KALRN: variants seen among roughly 807,000 people sequenced by gnomAD.
The protein encoded by KALRN is kalirin.
Under a neutral mutation model 353.7 loss-of-function variants are expected in KALRN, and 70 were observed. The ratio of observed to expected loss-of-function variants is 0.20; its 90% CI spans 0.16 to 0.24. The LOEUF is 0.24. Ranked by LOEUF, KALRN falls within the 10% of genes least tolerant of loss-of-function variation. KALRN has a pLI of 1.00. For missense variants in KALRN, 2,791 were observed against 3,756.7 expected (o/e 0.74, Z 6.72); for synonymous variants, 1,391 against 1,434.8 (o/e 0.97, Z 0.69).
intron 1 of KALRN, among the ~76,000 whole-genome samples, chr3:124,073,937 G>T (rs1378613738): frequency 6.6e-6 from 1 of 152,114 alleles, no homozygotes; most frequent in Non-Finnish European, 1.5e-5. Flanking sequence ...AAGTTTCAAG[G>T]TCTCATCATG....
At chr3:124,233,780 A>G (rs907989936) in intron 2 of KALRN, among the ~76,000 whole-genome samples, 2 of 152,150 alleles carry the variant, frequency 1.3e-5, no homozygotes, top group Admixed American at 6.5e-5. Flanking sequence ...CTCTTTCATT[A>G]GATCCCTTTG....
At chr3:124,679,329 A>G in intron 50 of KALRN, 129 bp from the exon 51 acceptor site, 1 of 748,920 alleles carries the variant, frequency 1.3e-6, no homozygotes, top group East Asian at 2.5e-5. Context: ...CTTTAAAAAC[A>G]CCTGGTTTTT....
chr3:124,564,422 C>T (rs1017712422), intron 34 of KALRN, among the ~76,000 whole-genome samples: 1 of 152,096 alleles, frequency 6.6e-6, no homozygotes, highest in Non-Finnish European at 1.5e-5. Context: ...GGTACAGTGG[C>T]TCACACCTGT....
At chr3:124,653,655 A>G (rs1184763431) in intron 38 of KALRN, among the ~76,000 whole-genome samples, 2 of 152,244 alleles carry the variant, frequency 1.3e-5, no homozygotes, top group African/African-American at 4.8e-5. Flanking sequence ...GAGAACAGCC[A>G]GTGCAATGAA....
chr3:124,181,593 A>G (rs551378305), intron 1 of KALRN, among the ~76,000 whole-genome samples: 2 of 152,286 alleles, frequency 1.3e-5, no homozygotes, highest in East Asian at 1.9e-4. Flanking sequence ...CCTGGCACCA[A>G]TCTTGCACTT....
At position 124,700,049 on chromosome 3, in the gene KALRN, G is replaced by T; in HGVS notation, c.7996+16G>T. The stretch of plus-strand genomic sequence containing the variant: ...CCAGAATATGGTGAGTCCCAGCCCA[G>T]CCCTGGCCCCCCAGGCAGTGGGATT... On this transcript the variant is annotated intron_variant, in intron 56 of 59. Transcript: ENST00000682506. The T allele has an allele frequency of 6.2e-7, 1 of 1,612,836 alleles. No individual in the cohort carries two copies. The highest frequency in any genetic ancestry group is 8.5e-7 in the Non-Finnish European group (1 of 1,179,492).
chr3:124,674,073 G>A (rs150695461), intron 48 of KALRN, among the ~76,000 whole-genome samples: 1 of 152,256 alleles, frequency 6.6e-6, no homozygotes, highest in Non-Finnish European at 1.5e-5. Context: ...GAGAACGCTG[G>A]CAGGAAGGTT....
chr3:124,296,624 C>T (rs2076869433), intron 5 of KALRN, among the ~76,000 whole-genome samples: 1 of 152,228 alleles, frequency 6.6e-6, no homozygotes, highest in Non-Finnish European at 1.5e-5. Context: ...CAGCACCTGG[C>T]AGCCGACAAT....
chr3:124,412,753 C>A (rs931264262), intron 13 of KALRN, among the ~76,000 whole-genome samples: 3 of 152,202 alleles, frequency 2.0e-5, no homozygotes, highest in Admixed American at 2.0e-4. Context: ...ATTAAATCTG[C>A]TTGAATTCCT....
At chr3:124,082,443 A>G in intron 1 of KALRN, 3 of 372,268 alleles carry the variant, frequency 8.1e-6, no homozygotes, top group Admixed American at 6.8e-5. Flanking sequence ...AGCTGGCTTT[A>G]TTTGGGGGGT....
intron 14 of KALRN, 70 bp from the exon 15 acceptor site, chr3:124,422,742 G>C: frequency 8.0e-7 from 1 of 1,256,512 alleles, no homozygotes; most frequent in Non-Finnish European, 1.1e-6. Context: ...GTTTTCTTAT[G>C]CATATTGAAG....
At chr3:124,432,418 A>G (rs1208778624) in intron 16 of KALRN, among the ~76,000 whole-genome samples, 1 of 152,220 alleles carries the variant, frequency 6.6e-6, no homozygotes, top group Non-Finnish European at 1.5e-5. Context: ...TGTCTCAAAA[A>G]CAAAAAAAGA....
rs1328834626 is a variant in KALRN, at chr3:124,671,809, C to T, written c.6853C>T (p.Pro2285Ser). The T allele has an allele frequency of 6.2e-7, 1 of 1,614,236 alleles. No individual in the cohort carries two copies. The highest frequency in any genetic ancestry group is 8.5e-7 in the Non-Finnish European group (1 of 1,180,024). ...EKPPKGSSYNPPLPPLKISTS... is the reference protein window; with the variant it reads ...EKPPKGSSYNSPLPPLKISTS... ...GCCCCCAAAGGGCTCCAGCTATAAC[C>T]CACCTCTGCCTCCCCTGAAGATATC... is the stretch of plus-strand genomic sequence containing the variant. Residue 2285 changes from proline to serine, a missense_variant, in exon 48 of 60, where the codon CCA (proline) becomes TCA (serine). By Grantham distance (74) the Pro-to-Ser change is moderately conservative. Coordinates refer to ENST00000682506, the MANE Select transcript of KALRN (RefSeq NM_001388419.1).
intron 1 of KALRN, among the ~76,000 whole-genome samples, chr3:124,072,402 C>G (rs142820225): frequency 1.0e-3 from 159 of 152,250 alleles, no homozygotes; most frequent in African/African-American, 3.7e-3. Flanking sequence ...GCAGTTTTAC[C>G]TGATAAGTCA....
intron 34 of KALRN, among the ~76,000 whole-genome samples, chr3:124,577,682 T>C (rs2074249145): frequency 6.6e-6 from 1 of 151,290 alleles, no homozygotes; most frequent in African/African-American, 2.4e-5. Context: ...AGGCCAAGAG[T>C]TCAAGACCAG....
At chr3:124,564,491 C>T (rs925413124) in intron 34 of KALRN, among the ~76,000 whole-genome samples, 8 of 151,726 alleles carry the variant, frequency 5.3e-5, no homozygotes, top group African/African-American at 1.9e-4. Context: ...GACTGGGCAA[C>T]ATAGTGAGAC....
intron 33 of KALRN, among the ~76,000 whole-genome samples, chr3:124,539,680 T>C (rs1164647245): frequency 6.6e-6 from 1 of 152,214 alleles, no homozygotes; most frequent in Non-Finnish European, 1.5e-5. Context: ...GTTTTCCAGA[T>C]TCTTTTGAAG....
intron 37 of KALRN, among the ~76,000 whole-genome samples, chr3:124,643,081 T>C (rs1169420577): frequency 6.6e-6 from 1 of 152,056 alleles, no homozygotes; most frequent in African/African-American, 2.4e-5. Context: ...CCTCCCAAAG[T>C]GCTGGGATTA....
intron 1 of KALRN, chr3:124,094,975 A>G: frequency 2.1e-6 from 3 of 1,420,572 alleles, no homozygotes; most frequent in Non-Finnish European, 2.0e-6. Context: ...ATAAAGAGAC[A>G]TGCAGAAAGA....
Sources: allele counts gnomAD v4.1 joint callset (sites outside exome capture counted in the v4.1 genomes callset), GRCh38; gene constraint gnomAD v4.1.1; transcripts MANE v1.5; gene names NCBI Gene and HGNC (gene_info 2026-07-23, HGNC 2026-07-21).